Variants in SESN3 observed in about 807,000 individuals in gnomAD.
SESN3 encodes the protein sestrin 3.
Under a neutral mutation model 55.3 loss-of-function variants are expected in SESN3, and 21 were observed. The ratio of observed to expected loss-of-function variants is 0.38; its 90% CI spans 0.27 to 0.55. The LOEUF is 0.55. Ranked by LOEUF, SESN3 falls within the 20% of genes least tolerant of loss-of-function variation. The pLI, the probability that SESN3 is intolerant of heterozygous loss-of-function variation, is 0.76. For synonymous variants in SESN3, 181 were observed against 203.1 expected, an observed-to-expected ratio of 0.89 and a Z score of 0.93; for missense variants, 408 against 604.3, an observed-to-expected ratio of 0.68 and a Z score of 3.41.
In SESN3 at chr11:95,230,683, C is replaced by T; in HGVS notation, c.78+100G>A. 1 of 797,156 alleles carries T rather than the reference C, an allele frequency of 1.3e-6. No individual in the cohort carries two copies. Among genetic ancestry groups the T allele is most frequent in the Non-Finnish European group, 2.0e-6 (1 of 491,262 alleles). 49.4% of individuals were successfully genotyped at this position (797,156 alleles called of 1,614,324 possible). A position where few individuals can be genotyped will look rare whatever the true frequency, so the allele number is the denominator to read the frequency against. The stretch of plus-strand genomic sequence containing the variant: ...CTGCGGAGGGACGGTGCCCGGGGAT[C>T]CCTCTCAGCCTCCCCCAGTGCGCGC... On this transcript the variant is annotated intron_variant, in intron 1 of 9. Coordinates refer to ENST00000536441, the MANE Select transcript of SESN3 (RefSeq NM_144665.4). The surrounding 1 kb of genome is among the most constrained non-coding windows in gnomAD (Gnocchi z 4.6).
chr11:95,208,472 G>C (rs1860590779), intron 1 of SESN3, among the ~76,000 whole-genome samples: 1 of 151,438 alleles, frequency 6.6e-6, no homozygotes, highest in South Asian at 2.1e-4. Flanking sequence ...TGTGCGAAAT[G>C]TGTTTATAAC....
chr11:95,217,105 CAAA>C (rs61672704), intron 1 of SESN3, among the ~76,000 whole-genome samples: 4 of 106,582 alleles, frequency 3.8e-5, no homozygotes, highest in Non-Finnish European at 3.9e-5. Flanking sequence ...GACTCTGTCT[CAAA>C]AAAAAAAAAA....
chr11:95,185,067 A>G (rs969242357), intron 5 of SESN3, among the ~76,000 whole-genome samples, 189 bp downstream of exon 5: 1 of 152,004 alleles, frequency 6.6e-6, no homozygotes, highest in African/African-American at 2.4e-5. Context: ...AGTAATATGT[A>G]TTTGCTTTAA....
intron 4 of SESN3, among the ~76,000 whole-genome samples, chr11:95,187,445 C>T (rs1714580598): frequency 6.6e-6 from 1 of 151,912 alleles, no homozygotes; most frequent in South Asian, 2.1e-4. Context: ...GTTTCTTTTT[C>T]AAGCAAACTC....
intron 1 of SESN3, among the ~76,000 whole-genome samples, chr11:95,229,046 A>C (rs1860999504): frequency 6.6e-6 from 1 of 152,216 alleles, no homozygotes; most frequent in Admixed American, 6.5e-5. Flanking sequence ...GCCATTAAAA[A>C]ATTTTTTTAT....
intron 1 of SESN3, among the ~76,000 whole-genome samples, chr11:95,225,841 C>A (rs1029671833): frequency 3.3e-5 from 5 of 152,050 alleles, no homozygotes; most frequent in Non-Finnish European, 1.5e-5. Flanking sequence ...AGATTTACCA[C>A]CCCCCCTTTT....
chr11:95,207,808 G>C (rs1329528647), intron 1 of SESN3, among the ~76,000 whole-genome samples: 1 of 150,794 alleles, frequency 6.6e-6, no homozygotes. Flanking sequence ...TCTCTTCAAT[G>C]TTCTATACTA....
intron 1 of SESN3, among the ~76,000 whole-genome samples, chr11:95,221,553 A>T (rs1237562113): frequency 6.6e-6 from 1 of 152,210 alleles, no homozygotes; most frequent in Non-Finnish European, 1.5e-5. Context: ...AGCAGAGAAT[A>T]AAAAGAAAAT....
At chr11:95,187,111 T>C (rs933412950) in intron 4 of SESN3, among the ~76,000 whole-genome samples, 7 of 152,000 alleles carry the variant, frequency 4.6e-5, no homozygotes, top group Non-Finnish European at 7.4e-5. Context: ...AACAGATGTA[T>C]ATAACTACTT....
At position 95,167,286 on chromosome 11, in the gene SESN3, G is replaced by C. The variant is rs1389740356; in HGVS notation, c.*5969C>G. On this transcript the variant is annotated 3_prime_UTR_variant, in exon 10 of 10. Coordinates refer to ENST00000536441, the MANE Select transcript of SESN3 (RefSeq NM_144665.4). ...TTAACTTGAGGGGTGCAAGAAAATAGACTGTTCTAGCAAAATTTACATAAC... is the reference window on the plus strand; with the variant it reads ...TTAACTTGAGGGGTGCAAGAAAATACACTGTTCTAGCAAAATTTACATAAC... The C allele has an allele frequency of 1.3e-5, 2 of 152,044 alleles. No homozygotes were observed. The highest frequency in any genetic ancestry group is 2.9e-5 in the Non-Finnish European group (2 of 67,986). 9.4% of individuals were successfully genotyped at this position (152,044 alleles called of 1,614,324 possible). A position where few individuals can be genotyped will look rare whatever the true frequency, so the allele number is the denominator to read the frequency against.
chr11:95,209,426 T>C (rs960868516), intron 1 of SESN3, among the ~76,000 whole-genome samples: 27 of 151,332 alleles, frequency 1.8e-4, no homozygotes, highest in African/African-American at 6.3e-4. Context: ...GTGGAGAAAA[T>C]AGGAATGCTT....
intron 4 of SESN3, among the ~76,000 whole-genome samples, chr11:95,188,267 A>G (rs1860203662): frequency 6.6e-6 from 1 of 151,676 alleles, no homozygotes; most frequent in South Asian, 2.1e-4. Context: ...GTAAATTTAT[A>G]CACATAAAAT....
rs1859740585 is a variant in SESN3, at chr11:95,166,028, G to T, written c.*7227C>A. The T allele has an allele frequency of 6.6e-6, 1 of 152,164 alleles. No individual in the cohort carries two copies. Among genetic ancestry groups the T allele is most frequent in the Non-Finnish European group, 1.5e-5 (1 of 68,018 alleles). The allele number at this position is 152,164 out of a possible 1,614,324, so 9.4% of individuals were successfully genotyped here. The stretch of plus-strand genomic sequence containing the variant: ...ACTACCTTAGACTATATCTACAGCA[G>T]GGTCTGGTTTGCCAGAACAAGTTTA... On this transcript the variant is annotated 3_prime_UTR_variant, in exon 10 of 10. Coordinates refer to ENST00000536441, the MANE Select transcript of SESN3 (RefSeq NM_144665.4).
At position 95,184,403 on chromosome 11, in the gene SESN3, A is replaced by G. The variant is rs928028733; in HGVS notation, c.937+17T>C. ...GTTCTAAGAACAACTAAAAGGCAAA[A>G]AAGTGCAAAAAAGCACCTGAATGAG... is the stretch of plus-strand genomic sequence containing the variant. On this transcript the variant is annotated intron_variant, in intron 6 of 9. Transcript: ENST00000536441. 2 of 1,612,764 alleles carry G rather than the reference A, an allele frequency of 1.2e-6. No individual in the cohort carries two copies. Among genetic ancestry groups the G allele is most frequent in the African/African-American group, 2.7e-5 (2 of 74,804 alleles).
intron 9 of SESN3, 35 bp from the exon 10 acceptor site, chr11:95,173,376 T>C: frequency 7.4e-7 from 1 of 1,359,814 alleles, no homozygotes; most frequent in Non-Finnish European, 1.0e-6. Context: ...TAGTAACCAT[T>C]ATAAACACCT....
At position 95,175,487 on chromosome 11, in the gene SESN3, G is replaced by A; in HGVS notation, c.1392+11C>T. ...TGTCTATGGTATAATGCTTAATACT[G>A]AAACACGTACTTTTTCTGAGTGTTT... On this transcript the variant is annotated intron_variant, in intron 9 of 9. Coordinates refer to ENST00000536441, the MANE Select transcript of SESN3 (RefSeq NM_144665.4). 1.2e-6 allele frequency: 2 copies of A among 1,611,352 alleles called. No homozygotes were observed. Among genetic ancestry groups the A allele is most frequent in the Non-Finnish European group, 1.7e-6 (2 of 1,177,732 alleles).
At chr11:95,229,787 C>T (rs1232202465) in intron 1 of SESN3, among the ~76,000 whole-genome samples, 1 of 152,178 alleles carries the variant, frequency 6.6e-6, no homozygotes, top group Non-Finnish European at 1.5e-5. Flanking sequence ...ATTTGCACAG[C>T]TCAGCAATTT....
At chr11:95,208,180 T>C (rs1775446761) in intron 1 of SESN3, among the ~76,000 whole-genome samples, 2 of 151,544 alleles carry the variant, frequency 1.3e-5, no homozygotes, top group African/African-American at 4.8e-5. Flanking sequence ...TTTATATGAA[T>C]AACCTTTATA....
rs1328329870 is a variant in SESN3 at position 95,184,443 on chromosome 11, G to T, written c.914C>A (p.Thr305Asn). 4.3e-6 allele frequency: 7 copies of T among 1,613,456 alleles called. No individual in the cohort carries two copies. The highest frequency in any genetic ancestry group is 5.9e-6 in the Non-Finnish European group (7 of 1,179,766). ...ACCTGAATGAGGAAATGAATGAAAA[G>T]TATCTCCAGAGACCACAAAAAGACT... Reference protein sequence around the residue: ...KESLFVVSGDTFHSFPHSDFE... With the variant: ...KESLFVVSGDNFHSFPHSDFE... Residue 305 changes from threonine (T) to asparagine (N), a missense_variant, in exon 6 of 10, where the codon ACT becomes AAT. By Grantham distance (65) the Thr-to-Asn change is moderately conservative (BLOSUM62 0). Coordinates refer to ENST00000536441, the MANE Select transcript of SESN3 (RefSeq NM_144665.4).
Sources: allele counts gnomAD v4.1 joint callset (sites outside exome capture counted in the v4.1 genomes callset), GRCh38; gene constraint gnomAD v4.1.1; non-coding constraint Gnocchi (gnomAD v3.1); transcripts MANE v1.5; gene names NCBI Gene and HGNC (gene_info 2026-07-23, HGNC 2026-07-21).